HEXB: variants seen among roughly 807,000 people sequenced by gnomAD.
The protein encoded by HEXB is hexosaminidase subunit beta, also known as beta-hexosaminidase subunit beta.
HEXB carries 51 observed loss-of-function variants against 71.2 expected under a neutral mutation model. The observed-to-expected ratio is 0.72, with a 90% CI of 0.57 to 0.90. HEXB has a LOEUF of 0.90. HEXB is among the 40% of genes least tolerant of loss of function. The probability of loss-of-function intolerance (pLI) is 0.00; values close to 1 mark genes in which losing one functional copy is unlikely to be tolerated. For synonymous variants in HEXB, 266 were observed against 249.3 expected (o/e 1.07, Z -0.63); for missense variants, 617 against 677.0 (o/e 0.91, Z 0.98).
chr5:74,661,513 CTGTGTGTGTGTGTGTGTGTGTGTG>C (rs1179218651), intron 1 of HEXB, among the ~76,000 whole-genome samples: 1 of 84,926 alleles, frequency 1.2e-5, no homozygotes, highest in African/African-American at 3.2e-5. Context: ...TTCTCTCTCT[CTGTGTGTGTGTGTGTGTGTGTGTG>C]TGTGTGTGTG....
intron 1 of HEXB, among the ~76,000 whole-genome samples, chr5:74,664,430 TAA>T (rs397998152): frequency 3.5e-4 from 28 of 79,666 alleles, no homozygotes; most frequent in East Asian, 1.7e-3. Context: ...ATTCTATCTC[TAA>T]AAAAAAAAAA....
intron 6 of HEXB, among the ~76,000 whole-genome samples, chr5:74,708,047 CG>C (rs1749446653): frequency 1.3e-5 from 2 of 151,856 alleles, no homozygotes; most frequent in South Asian, 4.2e-4. Flanking sequence ...AGAGAAAGGT[CG>C]GGTTACCCAC....
chr5:74,674,183 G>C (rs1748588460), intron 1 of HEXB, among the ~76,000 whole-genome samples: 1 of 152,192 alleles, frequency 6.6e-6, no homozygotes, highest in Non-Finnish European at 1.5e-5. Flanking sequence ...TTTTTGAGAA[G>C]GGTACATTTG....
chr5:74,714,324 A>C (rs983439537), intron 7 of HEXB, among the ~76,000 whole-genome samples: 2 of 152,240 alleles, frequency 1.3e-5, no homozygotes, highest in African/African-American at 2.4e-5. Flanking sequence ...TGCCTAAAGT[A>C]TAAAAAAGGG....
rs921125019 is a variant in HEXB at position 74,718,651 on chromosome 5, A to G, written c.1243-146A>G. The G allele has an allele frequency of 7.3e-6, 6 of 824,284 alleles. No homozygotes were observed. In the East Asian group the frequency reaches 1.6e-4, roughly 22 times the overall value. 51.1% of individuals were successfully genotyped at this position (824,284 alleles called of 1,614,324 possible). On this transcript the variant is annotated intron_variant, in intron 10 of 13. Coordinates refer to ENST00000261416, the MANE Select transcript of HEXB (RefSeq NM_000521.4). ...CCTAAAATGAGTATCACATGGCACT[A>G]ACTCTGAAGAAAAGAGGAAAAAGAA...
chr5:74,710,305 T>C (rs1002866266), intron 6 of HEXB, among the ~76,000 whole-genome samples: 10 of 151,510 alleles, frequency 6.6e-5, no homozygotes, highest in Non-Finnish European at 1.5e-4. Context: ...ATAAGAGCTA[T>C]CTATGACAAA....
intron 8 of HEXB, among the ~76,000 whole-genome samples, 183 bp from the exon 9 acceptor site, chr5:74,716,404 G>T (rs1749673556): frequency 6.6e-6 from 1 of 152,152 alleles, no homozygotes; most frequent in South Asian, 2.1e-4. Context: ...TCAGCTTCTT[G>T]AAAAAATTGT....
chr5:74,713,754 C>T (rs1030251743), intron 7 of HEXB, 119 bp downstream of exon 7: 9 of 802,906 alleles, frequency 1.1e-5, no homozygotes, highest in Non-Finnish European at 1.7e-5. Flanking sequence ...ACCTCCACCT[C>T]CCAGGATCAA....
At chr5:74,664,429 CTAAAAA>C (rs1387061444) in intron 1 of HEXB, among the ~76,000 whole-genome samples, 2 of 60,970 alleles carry the variant, frequency 3.3e-5, no homozygotes, top group African/African-American at 1.9e-4. Context: ...GATTCTATCT[CTAAAAA>C]AAAAAAAAAA....
intron 1 of HEXB, among the ~76,000 whole-genome samples, chr5:74,650,572 T>A (rs1474260578): frequency 2.6e-5 from 4 of 152,126 alleles, no homozygotes; most frequent in Non-Finnish European, 5.9e-5. Flanking sequence ...TGTCCCTCGG[T>A]ACTGAGTGTG....
chr5:74,662,244 A>C (rs954870245), intron 1 of HEXB, among the ~76,000 whole-genome samples: 4 of 152,302 alleles, frequency 2.6e-5, no homozygotes, highest in African/African-American at 9.6e-5. Context: ...TTTTTCACCT[A>C]ACATTATAAC....
intron 1 of HEXB, among the ~76,000 whole-genome samples, chr5:74,645,649 G>A (rs1431663846): frequency 1.1e-4 from 16 of 152,300 alleles, no homozygotes; most frequent in African/African-American, 3.8e-4. Context: ...GGACTGGAGA[G>A]AGACATATTT....
rs1213352828 is a variant in HEXB, at chr5:74,720,229, C to T, written c.1418-199C>T. On this transcript the variant is annotated intron_variant, in intron 11 of 13. Transcript: ENST00000261416. The stretch of plus-strand genomic sequence containing the variant: ...GGGTCAGGGCTGGGGATAAAGTTTG[C>T]AACCATTTTTTTGGGGGGTGGGGGA... 3 of 604,920 alleles carry T rather than the reference C, an allele frequency of 5.0e-6. No individual in the cohort carries two copies. In the East Asian group the frequency reaches 8.8e-5, roughly 18 times the overall value. The allele number at this position is 604,920 out of a possible 1,614,324, so 37.5% of individuals were successfully genotyped here. A position where few individuals can be genotyped will look rare whatever the true frequency, so the allele number is the denominator to read the frequency against.
In HEXB at chr5:74,646,509, G is replaced by C. The variant is rs79404372; in HGVS notation, c.-377+5951G>C. Among the ~76,000 whole-genome samples, 123 of 151,678 alleles carry C rather than the reference G, an allele frequency of 8.1e-4. 1 individual carries two copies. In the East Asian group the frequency reaches 0.023, roughly 29 times the overall value. On this transcript the variant is annotated intron_variant, in intron 1 of 13. Coordinates refer to the HEXB transcript ENST00000511181. The stretch of plus-strand genomic sequence containing the variant: ...CCTTTTCCCATCTGTTATTGATACT[G>C]TCTTCCTGTTTTGTACTGGGACCAC...
At chr5:74,682,227 G>A (rs936076830), upstream of HEXB, among the ~76,000 whole-genome samples, 3 of 152,188 alleles carry the variant, frequency 2.0e-5, no homozygotes, top group Admixed American at 1.3e-4. Context: ...GCGTGGTGGC[G>A]GGCGCCTGTA....
At position 74,697,015 on chromosome 5, in the gene HEXB, C is replaced by A; in HGVS notation, c.578C>A (p.Thr193Asn). Residue 193 changes from threonine to asparagine, a missense_variant, in exon 5 of 14, where the codon ACC (threonine) becomes AAC (asparagine). Physicochemically the swap from Thr to Asn is moderately conservative, Grantham distance 65. Transcript: ENST00000261416. ...SYGTFTINES[T>N]IIDSPRFSHR... is the part of the protein sequence containing the mutation. ...TCATAGTTCACCATCAATGAATCCA[C>A]CATTATTGATTCTCCAAGGTTTTCT... 2 of 1,558,960 alleles carry A rather than the reference C, an allele frequency of 1.3e-6. No individual in the cohort carries two copies. Among genetic ancestry groups the A allele is most frequent in the Non-Finnish European group, 1.8e-6 (2 of 1,131,050 alleles).
At chr5:74,683,874 G>A (rs990960891), upstream of HEXB, among the ~76,000 whole-genome samples, 1 of 149,406 alleles carries the variant, frequency 6.7e-6, no homozygotes, top group Non-Finnish European at 1.5e-5. Flanking sequence ...AGGCTGGAGT[G>A]CAGAGGTGTG....
chr5:74,703,113 C>T (rs1417545269), intron 5 of HEXB, among the ~76,000 whole-genome samples: 1 of 152,196 alleles, frequency 6.6e-6, no homozygotes, highest in African/African-American at 2.4e-5. Flanking sequence ...CCACCACGCC[C>T]AGCTAATTTT....
upstream of HEXB, among the ~76,000 whole-genome samples, chr5:74,683,493 G>A (rs1321945830): frequency 5.9e-5 from 9 of 151,982 alleles, no homozygotes; most frequent in Non-Finnish European, 1.2e-4. Flanking sequence ...TAGTAGAGAT[G>A]AGGTTTCACC....
Sources: allele counts gnomAD v4.1 joint callset (sites outside exome capture counted in the v4.1 genomes callset), GRCh38; gene constraint gnomAD v4.1.1; transcripts MANE v1.5; gene names NCBI Gene and HGNC (gene_info 2026-07-23, HGNC 2026-07-21).